ZNF578: variants seen among roughly 807,000 people sequenced by gnomAD.
ZNF578 encodes the protein Putative chemokine-related protein B42.
A neutral mutation model predicts 8.3 loss-of-function variants in ZNF578; 8 were observed. That is an observed-to-expected ratio of 0.96 (90% CI 0.56 to 1.74). The LOEUF is 1.74. Ranked by LOEUF, ZNF578 falls within the 40% of genes most tolerant of loss-of-function variation. The probability of loss-of-function intolerance (pLI) is 0.00; values close to 1 mark genes in which losing one functional copy is unlikely to be tolerated. For missense variants in ZNF578, 726 were observed against 707.5 expected, an observed-to-expected ratio of 1.03 and a Z score of -0.30; for synonymous variants, 206 against 232.2, an observed-to-expected ratio of 0.89 and a Z score of 1.03.
chr19:52,505,410 T>C (rs1364259404), intron 5 of ZNF578, among the ~76,000 whole-genome samples: 1 of 76,820 alleles, frequency 1.3e-5, no homozygotes, highest in Non-Finnish European at 2.4e-5. Flanking sequence ...TGTTCATTTT[T>C]TGTTTGTTTG....
chr19:52,498,607 A>G (rs898131570), intron 3 of ZNF578, among the ~76,000 whole-genome samples: 1 of 147,858 alleles, frequency 6.8e-6, no homozygotes, highest in Non-Finnish European at 1.5e-5. Flanking sequence ...ATGGTCTTGA[A>G]CTCCTGACCT....
chr19:52,464,504 C>T (rs2059268453), intron 2 of ZNF578, among the ~76,000 whole-genome samples: 2 of 152,052 alleles, frequency 1.3e-5, no homozygotes, highest in African/African-American at 4.8e-5. Context: ...CTAATTTGAA[C>T]CTTTTGCGGC....
intron 5 of ZNF578, among the ~76,000 whole-genome samples, chr19:52,509,102 C>T (rs952952596): frequency 1.3e-5 from 2 of 151,810 alleles, no homozygotes; most frequent in Non-Finnish European, 2.9e-5. Context: ...TGCAGTTTCC[C>T]CATGTTGGCC....
Position 52,501,808 on chromosome 19 carries a change from A to T in ZNF578, c.-19-19A>T. ...TGAGTCATATCTAACCTGAAGTCTT[A>T]TTTTTCTTCCACATACAGGATTGAT... On this transcript the variant is annotated intron_variant, in intron 3 of 5. Transcript: ENST00000421239. 1.9e-6 allele frequency: 3 copies of T among 1,608,838 alleles called. No homozygotes were observed. The South Asian group carries it at 3.3e-5, about 18-fold the overall frequency.
intron 2 of ZNF578, among the ~76,000 whole-genome samples, chr19:52,488,337 G>A (rs900543860): frequency 6.6e-6 from 1 of 151,848 alleles, no homozygotes; most frequent in Non-Finnish European, 1.5e-5. Flanking sequence ...GGTGGATCAC[G>A]AGGTCAGGAG....
At chr19:52,485,021 T>G (rs945789833) in intron 2 of ZNF578, among the ~76,000 whole-genome samples, 1 of 147,948 alleles carries the variant, frequency 6.8e-6, no homozygotes, top group African/African-American at 2.5e-5. Context: ...TTCACCTGGG[T>G]GCAGGCGGGC....
At position 52,484,001 on chromosome 19, in the gene ZNF578, C is replaced by T. The variant is rs867701981; in HGVS notation, c.-121-7323C>T. On this transcript the variant is annotated intron_variant, in intron 2 of 5. Coordinates refer to ENST00000421239, the MANE Select transcript of ZNF578 (RefSeq NM_001099694.2). The stretch of plus-strand genomic sequence containing the variant: ...AGCATACGGAGGACCCACGCTGGCT[C>T]CAGTCTCTGAGTCCCCTTAGTATTT... Among the ~76,000 whole-genome samples, 69 of 152,194 alleles carry T rather than the reference C, an allele frequency of 4.5e-4. No individual in the cohort carries two copies. The Middle Eastern group carries it at 0.014, about 30-fold the overall frequency.
At chr19:52,499,689 G>C (rs868752778) in intron 3 of ZNF578, among the ~76,000 whole-genome samples, 1 of 141,600 alleles carries the variant, frequency 7.1e-6, no homozygotes, top group South Asian at 2.2e-4. Flanking sequence ...CTTCCAAATC[G>C]TTTTTTTTTT....
chr19:52,480,583 G>A (rs2122838670), intron 2 of ZNF578, among the ~76,000 whole-genome samples: 1 of 149,858 alleles, frequency 6.7e-6, no homozygotes, highest in Admixed American at 6.6e-5. Flanking sequence ...TCAAGGTGCA[G>A]ATGTAAGGAT....
chr19:52,513,533 G>A lies in ZNF578; in HGVS notation c.*1379G>A, dbSNP rs186219779. On this transcript the variant is annotated 3_prime_UTR_variant, in exon 6 of 6. Transcript: ENST00000421239. ...ATAACAAAGTCAGGAGATTGAGACC[G>A]TCCTGGCTAACACGGTGAAACCTCG... 0.021 allele frequency among the ~76,000 whole-genome samples: 3,044 copies of A among 143,488 alleles called. 104 individuals carry two copies. The highest frequency in any genetic ancestry group is 0.072 in the African/African-American group (2,899 of 40,148). The allele number at this position is 143,488 out of a possible 152,430, so 94.1% of individuals were successfully genotyped here. A position where few individuals can be genotyped will look rare whatever the true frequency, so the allele number is the denominator to read the frequency against.
rs2059440737 is a variant in ZNF578 at position 52,510,554 on chromosome 19, G to A, written c.191-18G>A. On this transcript the variant is annotated intron_variant, in intron 5 of 5. Transcript: ENST00000421239. ...ATCTGCACTTAATTGCAAACGTATT[G>A]GTGTTTATATTTTGTAGATATCTCT... 1 of 1,511,692 alleles carries A rather than the reference G, an allele frequency of 6.6e-7. No individual in the cohort carries two copies. Among genetic ancestry groups the A allele is most frequent in the East Asian group, 2.3e-5 (1 of 44,068 alleles). The allele number at this position is 1,511,692 out of a possible 1,614,324, so 93.6% of individuals were successfully genotyped here.
chr19:52,494,134 A>G (rs1212403957), intron 3 of ZNF578, among the ~76,000 whole-genome samples: 2 of 143,192 alleles, frequency 1.4e-5, no homozygotes, highest in East Asian at 3.9e-4. Context: ...AGAAAACAAG[A>G]GCTAGAGAGA....
chr19:52,504,826 G>C (rs186489293), intron 5 of ZNF578, 45 bp downstream of exon 5: 1 of 1,603,332 alleles, frequency 6.2e-7, no homozygotes, highest in Non-Finnish European at 8.5e-7. Flanking sequence ...GCTCTTGTCT[G>C]TCTTGGCTCT....
intron 2 of ZNF578, chr19:52,474,795 T>C: frequency 4.8e-6 from 1 of 207,034 alleles, no homozygotes; most frequent in South Asian, 7.1e-5. Context: ...TTTTGCCACA[T>C]TCATTATGTT....
Position 52,504,635 on chromosome 19 carries a change from A to C in ZNF578, c.64-20A>C. 1 of 1,613,608 alleles carries C rather than the reference A, an allele frequency of 6.2e-7. No homozygotes were observed. Among genetic ancestry groups the C allele is most frequent in the Non-Finnish European group, 8.5e-7 (1 of 1,179,908 alleles). On this transcript the variant is annotated intron_variant, in intron 4 of 5. Coordinates refer to ENST00000421239, the MANE Select transcript of ZNF578 (RefSeq NM_001099694.2). ...CTCAATCCTCCATAATGTTTTGTTG[A>C]AATGTGTGTTTCATTTTAGGGACGC...
Position 52,512,350 on chromosome 19 carries a change from A to C in ZNF578, c.*196A>C. 1.3e-6 allele frequency: 2 copies of C among 1,518,418 alleles called. No homozygotes were observed. The highest frequency in any genetic ancestry group is 2.2e-5 in the South Asian group (2 of 88,942). 94.1% of individuals were successfully genotyped at this position (1,518,418 alleles called of 1,614,324 possible). A position where few individuals can be genotyped will look rare whatever the true frequency, so the allele number is the denominator to read the frequency against. On this transcript the variant is annotated 3_prime_UTR_variant, in exon 6 of 6. Transcript: ENST00000421239. Reference sequence around the variant, plus strand: ...TGGTGTAGGGAAACTTGACTAATGTAATGATTGTCACAAAGTCTTCAGTAA... The same window carrying C: ...TGGTGTAGGGAAACTTGACTAATGTCATGATTGTCACAAAGTCTTCAGTAA...
At position 52,504,718 on chromosome 19, in the gene ZNF578, C is replaced by T. The variant is rs1296448994; in HGVS notation, c.127C>T (p.Pro43Ser). Residue 43 changes from proline (P) to serine (S), a missense_variant, in exon 5 of 6, where the codon CCT (proline) becomes TCT (serine). Pro to Ser is a moderately conservative substitution (Grantham distance 74). Transcript: ENST00000421239. ...FSLAEWKFLN[P>S]AQRALYREVM... is the part of the protein sequence containing the mutation. Reference sequence around the variant, plus strand: ...ATTGGCAGAGTGGAAATTCCTGAACCCTGCGCAGAGGGCTTTGTACAGGGA... The same window carrying T: ...ATTGGCAGAGTGGAAATTCCTGAACTCTGCGCAGAGGGCTTTGTACAGGGA... 6.8e-6 allele frequency: 11 copies of T among 1,613,904 alleles called. No individual in the cohort carries two copies. The African/African-American group carries it at 1.2e-4, about 18-fold the overall frequency.
chr19:52,474,803 G>C, intron 2 of ZNF578: 1 of 197,544 alleles, frequency 5.1e-6, no homozygotes. Context: ...CATTCATTAT[G>C]TTTCTGAGAC....
chr19:52,504,679 G>C lies in ZNF578; in HGVS notation c.88G>C (p.Ala30Pro). 1 of 1,614,072 alleles carries C rather than the reference G, an allele frequency of 6.2e-7. No individual in the cohort carries two copies. Among genetic ancestry groups the C allele is most frequent in the Admixed American group, 1.7e-5 (1 of 59,992 alleles). Residue 30 changes from alanine (A) to proline (P), a missense_variant, in exon 5 of 6, where the codon GCT becomes CCT. Physicochemically the swap from Ala to Pro is conservative, Grantham distance 27. Transcript: ENST00000421239. ...GGGACGCTTGACTTTCAGGGATGTGGCTATAGAATTCTCATTGGCAGAGTG... is the reference window on the plus strand; with the variant it reads ...GGGACGCTTGACTTTCAGGGATGTGCCTATAGAATTCTCATTGGCAGAGTG... ...PQGRLTFRDV[A>P]IEFSLAEWKF...
Sources: allele counts gnomAD v4.1 joint callset (sites outside exome capture counted in the v4.1 genomes callset), GRCh38; gene constraint gnomAD v4.1.1; transcripts MANE v1.5; gene names NCBI Gene and HGNC (gene_info 2026-07-23, HGNC 2026-07-21).